The following GAD2 variants were observed in gnomAD, a reference collection of about 807,000 sequenced individuals.
GAD2 encodes the protein 65 kDa glutamic acid decarboxylase.
Under a neutral mutation model 80.1 loss-of-function variants are expected in GAD2, and 22 were observed. The observed-to-expected ratio is 0.27, with a 90% confidence interval of 0.20 to 0.39. The LOEUF is 0.39. GAD2 is among the 10% of genes least tolerant of loss of function. The probability of loss-of-function intolerance (pLI) is 1.00; values close to 1 mark genes in which losing one functional copy is unlikely to be tolerated. For synonymous variants in GAD2, 274 were observed against 256.9 expected (o/e 1.07, Z -0.64); for missense variants, 624 against 738.4 (o/e 0.85, Z 1.80).
chr10:26,303,556 C>T lies in GAD2; in HGVS notation c.*2595C>T, dbSNP rs1834351691. 6.6e-6 allele frequency: 1 copy of T among 150,574 alleles called. No homozygotes were observed. Among genetic ancestry groups the T allele is most frequent in the Non-Finnish European group, 1.5e-5 (1 of 67,574 alleles). The allele number at this position is 150,574 out of a possible 1,614,324, so 9.3% of individuals were successfully genotyped here. ...TTAATATTAGCCCAAATTCCCAGTG[C>T]CATGGTCTTTATGTGTGCCCATTCT... On this transcript the variant is annotated 3_prime_UTR_variant, in exon 16 of 16. Coordinates refer to ENST00000376261, the MANE Select transcript of GAD2 (RefSeq NM_001134366.2).
Position 26,302,972 on chromosome 10 carries a change from A to G in GAD2, c.*2011A>G, listed in dbSNP as rs1834343367. The G allele has an allele frequency of 6.6e-6, 1 of 152,240 alleles. No homozygotes were observed. The highest frequency in any genetic ancestry group is 1.5e-5 in the Non-Finnish European group (1 of 68,050). 9.4% of individuals were successfully genotyped at this position (152,240 alleles called of 1,614,324 possible). On this transcript the variant is annotated 3_prime_UTR_variant, in exon 16 of 16. Coordinates refer to ENST00000376261, the MANE Select transcript of GAD2 (RefSeq NM_001134366.2). ...TCAAAACTGCCTGCTGAGAATAAGCACATAGCTGCCCGACTATCCGGAGCC... is the reference window on the plus strand; with the variant it reads ...TCAAAACTGCCTGCTGAGAATAAGCGCATAGCTGCCCGACTATCCGGAGCC...
intron 4 of GAD2, 75 bp from the exon 5 acceptor site, chr10:26,223,812 T>C: frequency 1.1e-6 from 1 of 945,800 alleles, no homozygotes; most frequent in Non-Finnish European, 1.7e-6. Context: ...GTCCTTTAGC[T>C]AGAGAAATCA....
chr10:26,249,305 G>A (rs191721216), intron 8 of GAD2, among the ~76,000 whole-genome samples: 5 of 152,256 alleles, frequency 3.3e-5, no homozygotes, highest in Non-Finnish European at 5.9e-5. Context: ...GAGATGATCC[G>A]TCCGCCTCGG....
chr10:26,263,476 A>G (rs1367250744), intron 8 of GAD2, among the ~76,000 whole-genome samples: 1 of 152,220 alleles, frequency 6.6e-6, no homozygotes, highest in African/African-American at 2.4e-5. Flanking sequence ...GGTATCAGCT[A>G]TGTAAAGACA....
chr10:26,260,095 A>G (rs1844991504), intron 8 of GAD2, among the ~76,000 whole-genome samples: 2 of 152,214 alleles, frequency 1.3e-5, no homozygotes, highest in South Asian at 4.1e-4. Flanking sequence ...AAAAGACACT[A>G]TAAGTATTTA....
intron 4 of GAD2, among the ~76,000 whole-genome samples, chr10:26,223,535 C>T (rs752179332): frequency 2.0e-5 from 3 of 151,756 alleles, no homozygotes; most frequent in African/African-American, 4.8e-5. Context: ...TTTTAGCTTG[C>T]GAAAATATTG....
At chr10:26,224,458 A>G in intron 5 of GAD2, 81 bp from the exon 6 acceptor site, 1 of 863,718 alleles carries the variant, frequency 1.2e-6, no homozygotes, top group Non-Finnish European at 2.0e-6. Flanking sequence ...TGAAAAAGGA[A>G]ATAGTTCTGT....
intron 11 of GAD2, among the ~76,000 whole-genome samples, chr10:26,274,309 G>A (rs74737348): frequency 6.6e-6 from 1 of 152,308 alleles, no homozygotes; most frequent in African/African-American, 2.4e-5. Context: ...GCAGAAGACT[G>A]TTGAGAAAAG....
chr10:26,266,069 T>A (rs1034816912), intron 8 of GAD2, among the ~76,000 whole-genome samples: 1 of 152,240 alleles, frequency 6.6e-6, no homozygotes, highest in Non-Finnish European at 1.5e-5. Flanking sequence ...CAGGTCTACG[T>A]GCATCAGAAT....
At chr10:26,248,635 C>G (rs1453558743) in intron 8 of GAD2, among the ~76,000 whole-genome samples, 1 of 152,188 alleles carries the variant, frequency 6.6e-6, no homozygotes. Context: ...CTTGAAGGAA[C>G]TCGTTTCCCT....
intron 8 of GAD2, among the ~76,000 whole-genome samples, chr10:26,251,396 CA>C (rs1397984659): frequency 6.6e-6 from 1 of 152,134 alleles, no homozygotes; most frequent in Non-Finnish European, 1.5e-5. Flanking sequence ...CTAGCCTGGG[CA>C]AATGCCTCTC....
chr10:26,219,403 G>A, intron 4 of GAD2, 127 bp downstream of exon 4: 1 of 615,164 alleles, frequency 1.6e-6, no homozygotes, highest in Non-Finnish European at 2.7e-6. Context: ...TTTTCATCAT[G>A]TAAAAAATAG....
rs58555760 is a variant in GAD2 at position 26,249,962 on chromosome 10, G to A, written c.920+3962G>A. On this transcript the variant is annotated intron_variant, in intron 8 of 15. Coordinates refer to ENST00000376261, the MANE Select transcript of GAD2 (RefSeq NM_001134366.2). ...AGGAGGGGGATGCTGGAGAGCCGGC[G>A]GGACCTACGATCAGTGACTGGCCAG... 7.9e-3 allele frequency among the ~76,000 whole-genome samples: 1,205 copies of A among 151,892 alleles called. 19 individuals are homozygous for A. Among genetic ancestry groups the A allele is most frequent in the African/African-American group, 0.027 (1,136 of 41,434 alleles).
intron 8 of GAD2, among the ~76,000 whole-genome samples, chr10:26,253,244 C>T (rs376854924): frequency 7.2e-5 from 11 of 152,010 alleles, no homozygotes; most frequent in South Asian, 4.2e-4. Context: ...TTATTAAATT[C>T]GAAAGAAGAA....
intron 15 of GAD2, among the ~76,000 whole-genome samples, chr10:26,297,312 G>A (rs1242105000): frequency 2.0e-5 from 3 of 152,116 alleles, no homozygotes; most frequent in Non-Finnish European, 4.4e-5. Context: ...AAAACAAAGA[G>A]GTTTTCTAAG....
At chr10:26,289,688 A>G (rs1834191207) in intron 13 of GAD2, among the ~76,000 whole-genome samples, 1 of 152,036 alleles carries the variant, frequency 6.6e-6, no homozygotes, top group South Asian at 2.1e-4. Flanking sequence ...AAATAATCCT[A>G]GGACCTAATG....
chr10:26,237,249 A>G (rs1433942999), intron 7 of GAD2, among the ~76,000 whole-genome samples: 2 of 152,200 alleles, frequency 1.3e-5, no homozygotes, highest in African/African-American at 4.8e-5. Flanking sequence ...TCCCAGTGCC[A>G]GGTCAAAAGT....
chr10:26,289,727 C>G (rs146637575), intron 13 of GAD2, among the ~76,000 whole-genome samples: 12 of 151,630 alleles, frequency 7.9e-5, no homozygotes, highest in Non-Finnish European at 1.6e-4. Flanking sequence ...CAGATTTCTA[C>G]GGTGGCTAAA....
In GAD2 at chr10:26,269,606, G is replaced by A. The variant is rs556931554; in HGVS notation, c.975+433G>A. ...GCTCTCCAGACGTCTTATTTTGCAG[G>A]AAGCAATTTAGAACTCTTTTCAGAA... On this transcript the variant is annotated intron_variant, in intron 9 of 15. Transcript: ENST00000376261. Among the ~76,000 whole-genome samples, 34 of 152,284 alleles carry A rather than the reference G, an allele frequency of 2.2e-4. 2 individuals carry two copies. The South Asian group carries it at 6.8e-3, about 31-fold the overall frequency.
Sources: allele counts gnomAD v4.1 joint callset (sites outside exome capture counted in the v4.1 genomes callset), GRCh38; gene constraint gnomAD v4.1.1; transcripts MANE v1.5; gene names NCBI Gene and HGNC (gene_info 2026-07-23, HGNC 2026-07-21).